VPS13B: variants seen among roughly 807,000 people sequenced by gnomAD.
VPS13B encodes intermembrane lipid transfer protein VPS13B.
In VPS13B, 285 loss-of-function variants were observed where a neutral mutation model predicts 426.4. The observed-to-expected ratio is 0.67, with a 90% CI of 0.61 to 0.74. The LOEUF (loss-of-function observed/expected upper bound fraction) is 0.74, where lower values mean the gene tolerates loss of function less well. Ranked by LOEUF, VPS13B falls within the 30% of genes least tolerant of loss-of-function variation. VPS13B has a pLI of 0.00. For missense variants in VPS13B, 4,537 were observed against 4,782.6 expected, an observed-to-expected ratio of 0.95 and a Z score of 1.51; for synonymous variants, 1,676 against 1,676.4, an observed-to-expected ratio of 1.00 and a Z score of 0.01.
chr8:99,411,244 A>G (rs941179290), intron 21 of VPS13B, among the ~76,000 whole-genome samples: 2 of 152,110 alleles, frequency 1.3e-5, no homozygotes, highest in Non-Finnish European at 2.9e-5. Flanking sequence ...ACTTTTTAAT[A>G]ATCGCCATTC....
chr8:99,598,693 C>T (rs2133852776), intron 33 of VPS13B, among the ~76,000 whole-genome samples: 1 of 152,040 alleles, frequency 6.6e-6, no homozygotes, highest in South Asian at 2.1e-4. Flanking sequence ...AAAATAAAGA[C>T]AACTTATAAC....
At chr8:99,664,433 C>T (rs1341784997) in intron 35 of VPS13B, among the ~76,000 whole-genome samples, 4 of 151,802 alleles carry the variant, frequency 2.6e-5, no homozygotes, top group Non-Finnish European at 4.4e-5. Flanking sequence ...CGTCATTTAA[C>T]ATTAGATATA....
chr8:99,096,260 A>G (rs1478211371), intron 3 of VPS13B, 52 bp from the exon 4 acceptor site: 3 of 1,606,576 alleles, frequency 1.9e-6, no homozygotes, highest in Non-Finnish European at 2.6e-6. Context: ...TTTTTTCTTA[A>G]TTCTTGAGTA....
At chr8:99,630,524 C>T (rs994803596) in intron 33 of VPS13B, among the ~76,000 whole-genome samples, 6 of 152,090 alleles carry the variant, frequency 3.9e-5, no homozygotes, top group African/African-American at 1.2e-4. Flanking sequence ...TATCTACTCC[C>T]CTACCCAGGA....
At chr8:99,205,771 T>C (rs1814678090) in intron 17 of VPS13B, among the ~76,000 whole-genome samples, 1 of 152,212 alleles carries the variant, frequency 6.6e-6, no homozygotes, top group Non-Finnish European at 1.5e-5. Context: ...TTTAGTGTTT[T>C]TCTTAAATAT....
At chr8:99,646,424 C>G (rs1258215402) in intron 34 of VPS13B, among the ~76,000 whole-genome samples, 1 of 152,112 alleles carries the variant, frequency 6.6e-6, no homozygotes. Flanking sequence ...ATTGAGAAGG[C>G]TGAGGTGGGA....
intron 30 of VPS13B, among the ~76,000 whole-genome samples, chr8:99,540,040 TA>T (rs1823497542): frequency 2.2e-4 from 1 of 4,608 alleles, no homozygotes; most frequent in African/African-American, 6.2e-4. Context: ...TATATATATA[TA>T]TATATATATA....
At position 99,052,186 on chromosome 8, in the gene VPS13B, T is replaced by C. The variant is rs577303290; in HGVS notation, c.291+13620T>C. 3.7e-5 allele frequency among the ~76,000 whole-genome samples: 5 copies of C among 134,708 alleles called. No individual in the cohort carries two copies. In the South Asian group the frequency reaches 1.3e-3, roughly 36 times the overall value. The allele number at this position is 134,708 out of a possible 152,430, so 88.4% of individuals were successfully genotyped here. On this transcript the variant is annotated intron_variant, in intron 3 of 61. Coordinates refer to ENST00000357162, the MANE Select transcript of VPS13B (RefSeq NM_152564.5). The stretch of plus-strand genomic sequence containing the variant: ...GTGGGTTTGTCATAGATAGCTCTTA[T>C]TATTTTGAGATATGTCCCATCGATA...
chr8:99,697,497 A>G lies in VPS13B; in HGVS notation c.6047-2028A>G. The G allele has an allele frequency of 9.5e-6, 7 of 740,098 alleles. No homozygotes were observed. In the South Asian group the frequency reaches 1.0e-4, roughly 11 times the overall value. The allele number at this position is 740,098 out of a possible 1,614,324, so 45.8% of individuals were successfully genotyped here. A position where few individuals can be genotyped will look rare whatever the true frequency, so the allele number is the denominator to read the frequency against. Reference sequence around the variant, plus strand: ...GCCTGCTCTAAGCTGAAGGAGCAGAAGTCGCTCACCAAAGAGAAGGAGGAG... The same window carrying G: ...GCCTGCTCTAAGCTGAAGGAGCAGAGGTCGCTCACCAAAGAGAAGGAGGAG... On this transcript the variant is annotated intron_variant, in intron 35 of 61. Transcript: ENST00000357162.
intron 16 of VPS13B, among the ~76,000 whole-genome samples, chr8:99,177,208 C>G (rs1337184541): frequency 6.6e-6 from 1 of 152,146 alleles, no homozygotes; most frequent in Non-Finnish European, 1.5e-5. Flanking sequence ...TCCAGTTATT[C>G]AAGATTGCCT....
intron 19 of VPS13B, among the ~76,000 whole-genome samples, chr8:99,289,671 AG>A (rs1325899530): frequency 6.6e-6 from 1 of 152,150 alleles, no homozygotes; most frequent in Non-Finnish European, 1.5e-5. Flanking sequence ...GGAAGAAAGA[AG>A]GTGACCAGGC....
At chr8:99,509,189 A>G (rs1167286264) in intron 28 of VPS13B, among the ~76,000 whole-genome samples, 1 of 152,114 alleles carries the variant, frequency 6.6e-6, no homozygotes, top group Non-Finnish European at 1.5e-5. Context: ...ATCCTTCTCC[A>G]TCTGTTATTG....
intron 2 of VPS13B, among the ~76,000 whole-genome samples, chr8:99,027,350 T>G (rs1389101081): frequency 6.6e-6 from 1 of 152,178 alleles, no homozygotes; most frequent in Non-Finnish European, 1.5e-5. Context: ...CCATTCTTCC[T>G]TCCTTACTTT....
chr8:99,183,492 A>G (rs960182839), intron 16 of VPS13B, among the ~76,000 whole-genome samples: 2 of 152,136 alleles, frequency 1.3e-5, no homozygotes, highest in East Asian at 1.9e-4. Flanking sequence ...AACAATGAAT[A>G]TCTTTTGGTA....
At chr8:99,472,570 A>G (rs776254324) in intron 24 of VPS13B, among the ~76,000 whole-genome samples, 6 of 152,000 alleles carry the variant, frequency 3.9e-5, no homozygotes, top group Non-Finnish European at 5.9e-5. Flanking sequence ...TTAAAGACAT[A>G]TTAGAAAGGA....
intron 44 of VPS13B, among the ~76,000 whole-genome samples, chr8:99,816,180 G>A (rs1054103826): frequency 8.6e-5 from 13 of 151,008 alleles, no homozygotes; most frequent in African/African-American, 3.2e-4. Context: ...TCGGCTCACC[G>A]CAACCTCCAC....
rs1384882150 is a variant in VPS13B at position 99,528,396 on chromosome 8, G to A, written c.4745+7386G>A. 5.3e-5 allele frequency among the ~76,000 whole-genome samples: 8 copies of A among 152,156 alleles called. No homozygotes were observed. In the South Asian group the frequency reaches 1.2e-3, roughly 24 times the overall value. On this transcript the variant is annotated intron_variant, in intron 30 of 61. Coordinates refer to ENST00000357162, the MANE Select transcript of VPS13B (RefSeq NM_152564.5). ...TTTGCAGCTATTCAACAGACATTGA[G>A]TGCTTATGATGACTAGACACCAATA... is the stretch of plus-strand genomic sequence containing the variant.
At chr8:99,548,305 A>G (rs1357902031) in intron 30 of VPS13B, among the ~76,000 whole-genome samples, 1 of 152,056 alleles carries the variant, frequency 6.6e-6, no homozygotes, top group Non-Finnish European at 1.5e-5. Context: ...CTTATTTTTA[A>G]GTTATAAAGT....
chr8:99,590,082 A>C (rs1191469865), intron 33 of VPS13B, among the ~76,000 whole-genome samples: 1 of 152,174 alleles, frequency 6.6e-6, no homozygotes, highest in African/African-American at 2.4e-5. Context: ...GTATAAGTCC[A>C]GGAATTTATC....
Sources: gnomAD v4.1 joint callset for allele counts (sites outside exome capture counted in the v4.1 genomes callset) on GRCh38, gnomAD v4.1.1 for gene constraint, MANE v1.5 for transcripts, NCBI Gene and HGNC (gene_info 2026-07-23, HGNC 2026-07-21) for gene names.